PTK2: variants seen among roughly 807,000 people sequenced by gnomAD.
PTK2 encodes the protein protein tyrosine kinase 2, also known as focal adhesion kinase 1.
A neutral mutation model predicts 150.1 loss-of-function variants in PTK2; 45 were observed. That is an observed-to-expected ratio of 0.30 (90% CI 0.24 to 0.38). The LOEUF (loss-of-function observed/expected upper bound fraction) is 0.38. Ranked by LOEUF, PTK2 falls within the 10% of genes least tolerant of loss-of-function variation. The pLI is 1.00. For missense variants in PTK2, 919 were observed against 1,307.3 expected, an observed-to-expected ratio of 0.70 and a Z score of 4.58; for synonymous variants, 432 against 449.2, an observed-to-expected ratio of 0.96 and a Z score of 0.48.
chr8:140,843,069 G>A (rs1347243543), intron 7 of PTK2, among the ~76,000 whole-genome samples: 1 of 152,018 alleles, frequency 6.6e-6, no homozygotes, highest in East Asian at 1.9e-4. Context: ...CTTTAACACT[G>A]GTTAAAGCCC....
At chr8:140,899,533 C>T (rs1330219972) in intron 2 of PTK2, among the ~76,000 whole-genome samples, 1 of 152,018 alleles carries the variant, frequency 6.6e-6, no homozygotes, top group Non-Finnish European at 1.5e-5. Flanking sequence ...GAAGTAATAC[C>T]AATTCTACTG....
At chr8:140,927,958 G>GAAAAAAAAAAA (rs57931737) in intron 1 of PTK2, among the ~76,000 whole-genome samples, 1 of 63,634 alleles carries the variant, frequency 1.6e-5, no homozygotes, top group Non-Finnish European at 2.6e-5. Flanking sequence ...AAAAAAAAAA[G>GAAAAAAAAAAA]AAAAAAAAAA....
chr8:140,685,179 C>T (rs2100019122), intron 27 of PTK2, among the ~76,000 whole-genome samples: 2 of 152,170 alleles, frequency 1.3e-5, no homozygotes, highest in African/African-American at 4.8e-5. Context: ...GCTGAGACAA[C>T]CAGCTAGCCA....
chr8:140,729,581 T>C (rs1278542134), intron 22 of PTK2, among the ~76,000 whole-genome samples: 2 of 152,280 alleles, frequency 1.3e-5, no homozygotes, highest in Non-Finnish European at 2.9e-5. Context: ...CTGCTAGTGA[T>C]GCTGCCATTC....
At chr8:140,846,460 C>T in intron 6 of PTK2, 138 bp from the exon 7 acceptor site, 1 of 1,156,170 alleles carries the variant, frequency 8.6e-7, no homozygotes, top group Non-Finnish European at 1.3e-6. Context: ...TGCACCAAAC[C>T]AATAGTTCAT....
chr8:140,859,569 T>C (rs1185810980), intron 5 of PTK2, among the ~76,000 whole-genome samples: 1 of 152,164 alleles, frequency 6.6e-6, no homozygotes, highest in Non-Finnish European at 1.5e-5. Flanking sequence ...TTAAAGACTT[T>C]AAAGGTTAGA....
intron 2 of PTK2, among the ~76,000 whole-genome samples, chr8:140,893,663 G>T (rs913596838): frequency 6.6e-6 from 1 of 152,146 alleles, no homozygotes; most frequent in Non-Finnish European, 1.5e-5. Flanking sequence ...TAATAGATAA[G>T]GAGTTTCTTT....
At position 140,931,688 on chromosome 8, in the gene PTK2, A is replaced by C. The variant is rs377188566; in HGVS notation, c.-121-5939T>G. On this transcript the variant is annotated intron_variant, in intron 1 of 31. Coordinates refer to ENST00000522684, the Ensembl canonical transcript of PTK2. ...GATGACTCATGCCTGTAAACCCAGC[A>C]CTTTGGGAGGCCAAGGCAGGAGGAT... Among the ~76,000 whole-genome samples the C allele has an allele frequency of 9.2e-5, 14 of 152,268 alleles. No individual in the cohort carries two copies. The East Asian group carries it at 2.7e-3, about 29-fold the overall frequency.
Position 140,819,868 on chromosome 8 carries a change from T to C in PTK2, c.649-848A>G, listed in dbSNP as rs368221669. Among the ~76,000 whole-genome samples, 7 of 152,186 alleles carry C rather than the reference T, an allele frequency of 4.6e-5. 1 individual carries two copies. In the South Asian group the frequency reaches 6.2e-4, roughly 14 times the overall value. On this transcript the variant is annotated intron_variant, in intron 8 of 31. Coordinates refer to ENST00000522684, the Ensembl canonical transcript of PTK2. ...CTACTTAAACACATGGAAATCTGCATAGCAGAGGTAAATGCTTTCCAAGCA... is the reference window on the plus strand; with the variant it reads ...CTACTTAAACACATGGAAATCTGCACAGCAGAGGTAAATGCTTTCCAAGCA...
chr8:140,917,227 C>A (rs1365236471), intron 2 of PTK2, among the ~76,000 whole-genome samples: 1 of 152,010 alleles, frequency 6.6e-6, no homozygotes, highest in Non-Finnish European at 1.5e-5. Flanking sequence ...CCTGTCTCTA[C>A]CGAAAATACA....
At chr8:140,681,613 T>C (rs1431830755) in intron 27 of PTK2, among the ~76,000 whole-genome samples, 1 of 151,678 alleles carries the variant, frequency 6.6e-6, no homozygotes, top group African/African-American at 2.4e-5. Context: ...CCGTCTCTAC[T>C]AAAAATACAA....
chr8:140,693,157 T>C (rs1034260063), intron 26 of PTK2, among the ~76,000 whole-genome samples: 1 of 152,166 alleles, frequency 6.6e-6, no homozygotes, highest in Non-Finnish European at 1.5e-5. Flanking sequence ...CTAACTAAGG[T>C]TGCCAGCAAT....
At chr8:140,723,565 G>A (rs986602590) in intron 22 of PTK2, among the ~76,000 whole-genome samples, 1 of 152,196 alleles carries the variant, frequency 6.6e-6, no homozygotes, top group Non-Finnish European at 1.5e-5. Context: ...AATGTGCAGA[G>A]TATCAAGGAG....
chr8:140,915,103 T>C (rs1380253010), intron 2 of PTK2, among the ~76,000 whole-genome samples: 4 of 147,400 alleles, frequency 2.7e-5, no homozygotes, highest in South Asian at 2.1e-4. Flanking sequence ...GCAGGACAGA[T>C]AGGATTCCCT....
At chr8:140,769,710 G>C (rs983188336) in intron 14 of PTK2, 118 bp from the exon 16 acceptor site, 7 of 560,198 alleles carry the variant, frequency 1.2e-5, no homozygotes, top group Non-Finnish European at 1.9e-5. Context: ...AAACCAAAGT[G>C]TAAGAAAAAT....
chr8:140,740,565 T>C (rs554423587), intron 20 of PTK2, among the ~76,000 whole-genome samples: 2 of 152,366 alleles, frequency 1.3e-5, no homozygotes, highest in East Asian at 1.9e-4. Flanking sequence ...TATAGCCTAA[T>C]GGAATGTACA....
At chr8:140,694,639 G>C (rs903763225) in intron 26 of PTK2, among the ~76,000 whole-genome samples, 3 of 152,154 alleles carry the variant, frequency 2.0e-5, no homozygotes, top group African/African-American at 7.2e-5. Flanking sequence ...CCTGGTGGTT[G>C]CAAGGACACA....
chr8:140,994,349 T>A (rs1359988794), intron 1 of PTK2, among the ~76,000 whole-genome samples: 1 of 152,228 alleles, frequency 6.6e-6, no homozygotes, highest in Non-Finnish European at 1.5e-5. Context: ...AAAAAGTTTT[T>A]AAAAACTTAA....
intron 1 of PTK2, among the ~76,000 whole-genome samples, chr8:140,997,883 G>A (rs1224887137): frequency 6.6e-6 from 1 of 152,226 alleles, no homozygotes; most frequent in Non-Finnish European, 1.5e-5. Context: ...AGGTTGCAGT[G>A]AGCTATGATT....
Sources: allele counts gnomAD v4.1 joint callset (sites outside exome capture counted in the v4.1 genomes callset), GRCh38; gene constraint gnomAD v4.1.1; transcripts MANE v1.5; gene names NCBI Gene and HGNC (gene_info 2026-07-23, HGNC 2026-07-21).